SLC35F4: variants seen among roughly 807,000 people sequenced by gnomAD.
SLC35F4 encodes the protein chromosome 14 open reading frame 36.
In SLC35F4, 24 loss-of-function variants were observed where a neutral mutation model predicts 44.2. That is an observed-to-expected ratio of 0.54 (90% CI 0.39 to 0.76). SLC35F4 has a LOEUF of 0.76. Among genes scored for constraint, SLC35F4 ranks in the 30% least tolerant of loss-of-function variants. The probability of loss-of-function intolerance (pLI) is 0.00; values close to 1 mark genes in which losing one functional copy is unlikely to be tolerated. For synonymous variants in SLC35F4, 238 were observed against 223.6 expected (o/e 1.06, Z -0.57); for missense variants, 562 against 586.1 (o/e 0.96, Z 0.42).
chr14:57,780,967 G>A (rs557565249), intron 1 of SLC35F4, among the ~76,000 whole-genome samples: 13 of 152,126 alleles, frequency 8.5e-5, no homozygotes, highest in Non-Finnish European at 1.6e-4. Flanking sequence ...AAAAACCCTG[G>A]AAGAAAATCT....
intron 1 of SLC35F4, among the ~76,000 whole-genome samples, chr14:57,827,549 C>A (rs377561246): frequency 6.6e-6 from 1 of 151,978 alleles, no homozygotes; most frequent in African/African-American, 2.4e-5. Flanking sequence ...ACTAATTTTT[C>A]TCTGAAGGAA....
intron 1 of SLC35F4, among the ~76,000 whole-genome samples, chr14:57,884,794 A>G (rs1888613426): frequency 6.6e-6 from 1 of 152,184 alleles, no homozygotes; most frequent in African/African-American, 2.4e-5. Context: ...ACAAAAAATA[A>G]TAACAACTGT....
rs1032031729 is a variant in SLC35F4 at position 57,583,288 on chromosome 14, C to T, written c.588-1855G>A. Among the ~76,000 whole-genome samples the T allele has an allele frequency of 6.6e-5, 10 of 152,164 alleles. No homozygotes were observed. In the South Asian group the frequency reaches 8.3e-4, roughly 13 times the overall value. ...AAGTTCATTTTCTGTACTTATAAGG[C>T]GATCTGCTCCGTGAGAAAGCTGCCG... On this transcript the variant is annotated intron_variant, in intron 3 of 7. Transcript: ENST00000556826.
At chr14:57,636,645 A>T (rs2073029533) in intron 1 of SLC35F4, among the ~76,000 whole-genome samples, 1 of 152,084 alleles carries the variant, frequency 6.6e-6, no homozygotes, top group Non-Finnish European at 1.5e-5. Context: ...GATTGTGCTA[A>T]AATTTGGAAA....
chr14:57,842,037 T>C (rs929844761), intron 1 of SLC35F4, among the ~76,000 whole-genome samples: 1 of 152,192 alleles, frequency 6.6e-6, no homozygotes, highest in African/African-American at 2.4e-5. Flanking sequence ...ATATACTGAA[T>C]TGTTTTCTCA....
intron 7 of SLC35F4, 56 bp downstream of exon 7, chr14:57,566,419 C>T (rs1594870597): frequency 1.3e-6 from 2 of 1,493,480 alleles, no homozygotes; most frequent in South Asian, 2.4e-5. Flanking sequence ...ACAGAACAAA[C>T]ACAAGCAAGA....
At chr14:57,815,203 C>T (rs994858245) in intron 1 of SLC35F4, among the ~76,000 whole-genome samples, 2 of 152,202 alleles carry the variant, frequency 1.3e-5, no homozygotes. Flanking sequence ...ACCAACATCT[C>T]AGTGACAATT....
At chr14:57,748,842 C>T (rs1223670843) in intron 1 of SLC35F4, among the ~76,000 whole-genome samples, 1 of 152,096 alleles carries the variant, frequency 6.6e-6, no homozygotes, top group Non-Finnish European at 1.5e-5. Context: ...CATATAGAGT[C>T]AACTAAAATT....
chr14:57,627,152 A>G (rs2072519073), intron 1 of SLC35F4, among the ~76,000 whole-genome samples: 2 of 152,168 alleles, frequency 1.3e-5, no homozygotes, highest in Admixed American at 1.3e-4. Context: ...AGCCTTGTCA[A>G]CTGGAAGTAA....
intron 1 of SLC35F4, among the ~76,000 whole-genome samples, chr14:57,670,177 T>C (rs143541190): frequency 6.6e-6 from 1 of 152,176 alleles, no homozygotes; most frequent in Non-Finnish European, 1.5e-5. Context: ...AGTGGTGATA[T>C]TCACTTTATC....
chr14:57,981,631 G>A (rs1249775011), intron 1 of SLC35F4, among the ~76,000 whole-genome samples: 3 of 152,112 alleles, frequency 2.0e-5, no homozygotes, highest in African/African-American at 4.8e-5. Flanking sequence ...CCTCATTTTG[G>A]AGAGCTGCCT....
At chr14:57,794,738 T>C (rs1381771273) in intron 1 of SLC35F4, among the ~76,000 whole-genome samples, 1 of 152,086 alleles carries the variant, frequency 6.6e-6, no homozygotes, top group Non-Finnish European at 1.5e-5. Context: ...AACTGCTTCT[T>C]TGGGTGTGTT....
At chr14:57,774,580 G>A (rs1018011201) in intron 1 of SLC35F4, among the ~76,000 whole-genome samples, 8 of 152,228 alleles carry the variant, frequency 5.3e-5, no homozygotes, top group Non-Finnish European at 8.8e-5. Flanking sequence ...CCATGAGACC[G>A]GGCAGTCCAA....
At chr14:57,901,164 T>C (rs924538353) in intron 1 of SLC35F4, among the ~76,000 whole-genome samples, 1 of 152,246 alleles carries the variant, frequency 6.6e-6, no homozygotes, top group African/African-American at 2.4e-5. Context: ...GCAATCCCAT[T>C]ACTGGGTATA....
chr14:57,711,157 A>T (rs146699369), intron 1 of SLC35F4, among the ~76,000 whole-genome samples: 7,060 of 152,148 alleles, frequency 0.046, 206 homozygotes, highest in South Asian at 0.082. Context: ...TGTTCTCATG[A>T]TAGTGAGTGA....
chr14:57,590,226 C>CAAA (rs55850524), intron 2 of SLC35F4, among the ~76,000 whole-genome samples: 5 of 119,160 alleles, frequency 4.2e-5, no homozygotes, highest in Admixed American at 8.5e-5. Context: ...CTTGTCTATG[C>CAAA]AAAAAAAAAA....
At chr14:57,654,960 A>T (rs2073912025) in intron 1 of SLC35F4, among the ~76,000 whole-genome samples, 1 of 152,154 alleles carries the variant, frequency 6.6e-6, no homozygotes, top group African/African-American at 2.4e-5. Context: ...CAATCAGAGG[A>T]TATTTTAAGG....
At chr14:57,686,693 A>C (rs138408690) in intron 1 of SLC35F4, among the ~76,000 whole-genome samples, 4 of 152,208 alleles carry the variant, frequency 2.6e-5, no homozygotes, top group African/African-American at 9.6e-5. Context: ...CTTTTCTTCT[A>C]ACCCATGTCA....
intron 1 of SLC35F4, among the ~76,000 whole-genome samples, chr14:57,872,053 C>A (rs1351274017): frequency 6.6e-6 from 1 of 152,074 alleles, no homozygotes; most frequent in African/African-American, 2.4e-5. Flanking sequence ...TTATGAGTGG[C>A]ACAGAGAACC....
Sources: allele counts gnomAD v4.1 joint callset (sites outside exome capture counted in the v4.1 genomes callset), GRCh38; gene constraint gnomAD v4.1.1; transcripts MANE v1.5; gene names NCBI Gene and HGNC (gene_info 2026-07-23, HGNC 2026-07-21).